Variants in OAS3 observed in about 807,000 individuals in gnomAD.
The protein encoded by OAS3 is 2'-5'-oligoadenylate synthase 3.
In OAS3, 107 loss-of-function variants were observed where a neutral mutation model predicts 113.0. The ratio of observed to expected loss-of-function variants is 0.95; its 90% CI spans 0.81 to 1.11. The LOEUF is 1.11. Ranked by LOEUF, OAS3 falls within the 50% of genes most tolerant of loss-of-function variation. The pLI is 0.00. For missense variants in OAS3, 1,258 were observed against 1,389.1 expected (o/e 0.91, Z 1.50); for synonymous variants, 552 against 573.6 (o/e 0.96, Z 0.54).
At chr12:112,946,515 G>A (rs2043730599) in intron 3 of OAS3, among the ~76,000 whole-genome samples, 1 of 152,152 alleles carries the variant, frequency 6.6e-6, no homozygotes, top group Admixed American at 6.5e-5. Context: ...CTTGGGACTT[G>A]AAACTTACAC....
chr12:112,938,814 T>A, intron 1 of OAS3, 107 bp downstream of exon 1: 2 of 878,810 alleles, frequency 2.3e-6, no homozygotes, highest in Non-Finnish European at 3.3e-6. Flanking sequence ...CTTGTGCACC[T>A]CATTCATTTC....
At position 112,950,464 on chromosome 12, in the gene OAS3, G is replaced by C. The variant is rs2043778434; in HGVS notation, c.1375-229G>C. ...TGTTGCTGCAGTTTGGTCTGACTTAGCTCAGTCTTCATGGATCAGAGGGCA... is the reference window on the plus strand; with the variant it reads ...TGTTGCTGCAGTTTGGTCTGACTTACCTCAGTCTTCATGGATCAGAGGGCA... On this transcript the variant is annotated intron_variant, in intron 6 of 15. Transcript: ENST00000228928. 5.2e-6 allele frequency: 3 copies of C among 578,600 alleles called. No individual in the cohort carries two copies. The South Asian group carries it at 6.4e-5, about 12-fold the overall frequency. The allele number at this position is 578,600 out of a possible 1,614,324, so 35.8% of individuals were successfully genotyped here.
intron 1 of OAS3, among the ~76,000 whole-genome samples, chr12:112,941,341 A>G (rs1280695721): frequency 6.6e-6 from 1 of 152,184 alleles, no homozygotes; most frequent in Non-Finnish European, 1.5e-5. Context: ...GTGACAGAAC[A>G]AGACCCTGTT....
chr12:112,946,600 T>A, intron 3 of OAS3, 143 bp from the exon 4 acceptor site: 4 of 573,996 alleles, frequency 7.0e-6, no homozygotes, highest in Non-Finnish European at 1.2e-5. Flanking sequence ...TGGTGAGAAA[T>A]GCCACTTGTT....
Position 112,963,243 on chromosome 12 carries a change from C to G in OAS3, c.2085-70C>G, listed in dbSNP as rs1444556101. 2 of 1,468,510 alleles carry G rather than the reference C, an allele frequency of 1.4e-6. No homozygotes were observed. Among genetic ancestry groups the G allele is most frequent in the East Asian group, 4.9e-5 (2 of 40,412 alleles). 91.0% of individuals were successfully genotyped at this position (1,468,510 alleles called of 1,614,324 possible). ...TCTTTCCAGCCCTCACGCCCCTTTTCAGCCCTTCCACCCGCCTCCTCTTTC... is the reference window on the plus strand; with the variant it reads ...TCTTTCCAGCCCTCACGCCCCTTTTGAGCCCTTCCACCCGCCTCCTCTTTC... On this transcript the variant is annotated intron_variant, in intron 9 of 15. Coordinates refer to ENST00000228928, the MANE Select transcript of OAS3 (RefSeq NM_006187.4). The surrounding 1 kb of genome is among the most constrained non-coding windows in gnomAD (Gnocchi z 4.6).
At chr12:112,964,214 C>T in intron 10 of OAS3, 21 bp from the exon 11 acceptor site, 3 of 1,565,128 alleles carry the variant, frequency 1.9e-6, no homozygotes, top group African/African-American at 1.4e-5. Flanking sequence ...CAAGCTGGCC[C>T]CACCTGGATT....
chr12:112,948,714 T>C, intron 5 of OAS3, 147 bp from the exon 6 acceptor site: 1 of 644,156 alleles, frequency 1.6e-6, no homozygotes, highest in Non-Finnish European at 2.7e-6. Context: ...AAGATGGCCA[T>C]GTGCGTTAGC....
At chr12:112,957,538 C>CA (rs1451647231) in intron 7 of OAS3, among the ~76,000 whole-genome samples, 3 of 152,168 alleles carry the variant, frequency 2.0e-5, no homozygotes, top group African/African-American at 4.8e-5. Flanking sequence ...CTGGTGGTGA[C>CA]AAAATCTCTC....
Position 112,963,528 on chromosome 12 carries a change from G to A in OAS3, c.2229+71G>A, listed in dbSNP as rs1348591958. On this transcript the variant is annotated intron_variant, in intron 10 of 15. Transcript: ENST00000228928. The surrounding 1 kb of genome is among the most constrained non-coding windows in gnomAD (Gnocchi z 4.6). ...TCTAGTCAGGTTCCCTTAACCTGCC[G>A]GTGCACCCATCCCCAGCTGCTAGGA... is the stretch of plus-strand genomic sequence containing the variant. 2.9e-5 allele frequency: 40 copies of A among 1,358,736 alleles called. No individual in the cohort carries two copies. The highest frequency in any genetic ancestry group is 6.5e-5 in the Admixed American group (2 of 30,588). The allele number at this position is 1,358,736 out of a possible 1,614,324, so 84.2% of individuals were successfully genotyped here.
intron 4 of OAS3, among the ~76,000 whole-genome samples, chr12:112,947,570 T>C (rs10850104): frequency 0.23 from 35,344 of 152,188 alleles, 5,116 homozygotes; most frequent in East Asian, 0.66. Context: ...ATGATGGACA[T>C]TTGAGTTCTT....
intron 5 of OAS3, among the ~76,000 whole-genome samples, 197 bp from the exon 6 acceptor site, chr12:112,948,664 G>A (rs1450636379): frequency 6.6e-6 from 1 of 152,168 alleles, no homozygotes; most frequent in Non-Finnish European, 1.5e-5. Flanking sequence ...CCATTTTGCA[G>A]TTTATCCCTC....
intron 7 of OAS3, among the ~76,000 whole-genome samples, chr12:112,957,523 C>G (rs1044357992): frequency 3.9e-5 from 6 of 152,274 alleles, no homozygotes; most frequent in African/African-American, 1.4e-4. Flanking sequence ...TCTTGTAAGG[C>G]AGGCCTGGTG....
chr12:112,947,882 C>G (rs1037863743), intron 4 of OAS3, 64 bp from the exon 5 acceptor site: 3 of 1,412,768 alleles, frequency 2.1e-6, no homozygotes, highest in Non-Finnish European at 2.8e-6. Context: ...CGATTGGAAC[C>G]AGGTCCGTTT....
At chr12:112,952,383 C>A (rs2043800506) in intron 7 of OAS3, among the ~76,000 whole-genome samples, 1 of 152,076 alleles carries the variant, frequency 6.6e-6, no homozygotes, top group Non-Finnish European at 1.5e-5. Flanking sequence ...TCTTTATTTA[C>A]TAGCATGTGT....
At chr12:112,950,611 G>C (rs2136349835) in intron 6 of OAS3, 82 bp from the exon 7 acceptor site, 1 of 1,515,426 alleles carries the variant, frequency 6.6e-7, no homozygotes, top group Non-Finnish European at 9.0e-7. Context: ...CCAGGCTGTA[G>C]ATGGGGCGCA....
chr12:112,961,319 C>T, intron 8 of OAS3, 73 bp downstream of exon 8: 1 of 1,364,852 alleles, frequency 7.3e-7, no homozygotes, highest in South Asian at 1.3e-5. Flanking sequence ...AGTTCCTCCT[C>T]TACACCCACA....
chr12:112,949,111 GC>G lies in OAS3; in HGVS notation c.1285del (p.Gln429SerfsTer6). On this transcript the variant is annotated frameshift_variant, in exon 6 of 16. Transcript: ENST00000228928. LOFTEE classifies it high-confidence loss of function. ...TTCATCCAGGACCACCTGAAGCCGA[GC>G]CCCCAGTTCCAGGAGCAGGTGAAAA... ...DRFIQDHLKP[S>X]PQFQEQVKKA... is the part of the protein sequence containing the mutation. 2 of 1,613,924 alleles carry G rather than the reference GC, an allele frequency of 1.2e-6. No homozygotes were observed. The highest frequency in any genetic ancestry group is 1.7e-6 in the Non-Finnish European group (2 of 1,179,882).
rs748894540 is a variant in OAS3, at chr12:112,950,917, G to A, written c.1599G>A (p.Val533=). 3.7e-6 allele frequency: 6 copies of A among 1,613,880 alleles called. No individual in the cohort carries two copies. Among genetic ancestry groups the A allele is most frequent in the African/African-American group, 2.7e-5 (2 of 74,926 alleles). The part of the protein sequence containing the change: ...NVPEALQFQL[V]STALKSWTDV... ...CTGAGGCTCTGCAGTTCCAGCTGGT[G>A]TCCACAGCCCTGAAGAGCTGGACGG... The change falls in exon 7 of 16, where the codon GTG becomes GTA. Residue 533 remains valine (V), a synonymous_variant. Transcript: ENST00000228928.
intron 8 of OAS3, among the ~76,000 whole-genome samples, chr12:112,962,362 C>T (rs534610499): frequency 2.0e-5 from 3 of 152,272 alleles, no homozygotes; most frequent in Admixed American, 2.0e-4. Flanking sequence ...TCAATGCTTC[C>T]GTCTTCAATT....
Sources: allele counts gnomAD v4.1 joint callset (sites outside exome capture counted in the v4.1 genomes callset), GRCh38; gene constraint gnomAD v4.1.1; non-coding constraint Gnocchi (gnomAD v3.1); transcripts MANE v1.5; gene names NCBI Gene and HGNC (gene_info 2026-07-23, HGNC 2026-07-21).